CEP250: variants seen among roughly 807,000 people sequenced by gnomAD.
CEP250 encodes the protein centrosomal protein 250.
A neutral mutation model predicts 315.7 loss-of-function variants in CEP250; 242 were observed. The observed-to-expected ratio is 0.77, with a 90% confidence interval of 0.69 to 0.85. The LOEUF is 0.85. Ranked by LOEUF, CEP250 falls within the 40% of genes least tolerant of loss-of-function variation. The pLI is 0.00. For synonymous variants in CEP250, 1,088 were observed against 1,175.0 expected (o/e 0.93, Z 1.51); for missense variants, 2,515 against 2,886.4 (o/e 0.87, Z 2.95).
chr20:35,509,239 G>A (rs1196836288), intron 33 of CEP250, among the ~76,000 whole-genome samples, 195 bp downstream of exon 33: 1 of 152,184 alleles, frequency 6.6e-6, no homozygotes, highest in Non-Finnish European at 1.5e-5. Context: ...TGGGGTGGGG[G>A]TTGGGGTGGC....
chr20:35,485,513 A>G (rs2063484166), intron 20 of CEP250, among the ~76,000 whole-genome samples: 1 of 151,886 alleles, frequency 6.6e-6, no homozygotes, highest in Non-Finnish European at 1.5e-5. Flanking sequence ...GTTTAGAGAT[A>G]AGGTCTTGCT....
At chr20:35,507,054 A>C (rs547539774) in intron 30 of CEP250, among the ~76,000 whole-genome samples, 1 of 152,192 alleles carries the variant, frequency 6.6e-6, no homozygotes, top group East Asian at 1.9e-4. Flanking sequence ...CAAACTCATA[A>C]ATGGCAGGAC....
chr20:35,487,359 A>G (rs1479321070), intron 20 of CEP250, among the ~76,000 whole-genome samples: 2 of 152,112 alleles, frequency 1.3e-5, no homozygotes, highest in East Asian at 3.9e-4. Context: ...AATCCCAGCT[A>G]CTTGGGAGGT....
In CEP250 at chr20:35,479,480, G is replaced by A. The variant is rs142680086; in HGVS notation, c.2288+56G>A. 2.5e-5 allele frequency: 39 copies of A among 1,566,426 alleles called. 1 individual carries two copies. The highest frequency in any genetic ancestry group is 2.5e-4 in the East Asian group (11 of 44,526). On this transcript the variant is annotated intron_variant, in intron 18 of 34. Coordinates refer to ENST00000397527, the MANE Select transcript of CEP250 (RefSeq NM_007186.6). ...AGAGAGAGCTTTGCAAGGCAAAGGCGTGAAGCTAAGCTCCCTGCCATAAGT... is the reference window on the plus strand; with the variant it reads ...AGAGAGAGCTTTGCAAGGCAAAGGCATGAAGCTAAGCTCCCTGCCATAAGT...
chr20:35,470,614 G>A (rs766043278), intron 10 of CEP250, among the ~76,000 whole-genome samples: 10 of 152,288 alleles, frequency 6.6e-5, no homozygotes, highest in East Asian at 1.9e-4. Flanking sequence ...TTAGCCGGTC[G>A]TGGTGGCACA....
intron 1 of CEP250, among the ~76,000 whole-genome samples, chr20:35,456,921 A>G (rs1328810033): frequency 2.0e-5 from 3 of 151,684 alleles, no homozygotes; most frequent in Non-Finnish European, 4.4e-5. Context: ...AGCTGGGATT[A>G]CAGGCGCCCG....
intron 7 of CEP250, among the ~76,000 whole-genome samples, chr20:35,466,555 C>T (rs2062882538): frequency 6.6e-6 from 1 of 152,076 alleles, no homozygotes; most frequent in Non-Finnish European, 1.5e-5. Context: ...AGATATGAAA[C>T]TGAATGGGAA....
At position 35,498,056 on chromosome 20, in the gene CEP250, G is replaced by A; in HGVS notation, c.3644G>A (p.Gly1215Asp). 1 of 1,572,676 alleles carries A rather than the reference G, an allele frequency of 6.4e-7. No homozygotes were observed. The highest frequency in any genetic ancestry group is 8.6e-7 in the Non-Finnish European group (1 of 1,156,194). ...GGGDSAPSVW[G>D]LEPDQNGARS... ...GGAGACTCTGCTCCTTCCGTCTGGG[G>A]CCTTGAGCCAGGTGAGACAGCCTCC... The change falls in exon 26 of 35, where the codon GGC (glycine) becomes GAC (aspartate). Residue 1215 changes from glycine (G) to aspartate (D), a missense_variant. Gly to Asp is a moderately conservative substitution (Grantham distance 94). Coordinates refer to ENST00000397527, the MANE Select transcript of CEP250 (RefSeq NM_007186.6).
chr20:35,462,231 T>C, intron 3 of CEP250, 34 bp from the exon 4 acceptor site: 1 of 645,182 alleles, frequency 1.5e-6, no homozygotes, highest in Admixed American at 2.9e-5. Context: ...AAAAGAACAG[T>C]CCTTTCCATT....
intron 5 of CEP250, among the ~76,000 whole-genome samples, chr20:35,465,017 G>A (rs1366959947): frequency 6.6e-6 from 1 of 152,244 alleles, no homozygotes; most frequent in Non-Finnish European, 1.5e-5. Context: ...TCCAGCATAA[G>A]TCAAGGAGCA....
In CEP250 at chr20:35,515,855, G is replaced by A. The variant is rs1184203969; in HGVS notation, c.*4229G>A. The A allele has an allele frequency of 6.6e-6, 1 of 152,288 alleles. No individual in the cohort carries two copies. Among genetic ancestry groups the A allele is most frequent in the African/African-American group, 2.4e-5 (1 of 41,460 alleles). The allele number at this position is 152,288 out of a possible 1,614,324, so 9.4% of individuals were successfully genotyped here. A position where few individuals can be genotyped will look rare whatever the true frequency, so the allele number is the denominator to read the frequency against. ...CACCACACTTAAGAAGCAGGCAAGGGAGGATGAAGGGCAAAAACATGGGGT... is the reference window on the plus strand; with the variant it reads ...CACCACACTTAAGAAGCAGGCAAGGAAGGATGAAGGGCAAAAACATGGGGT... On this transcript the variant is annotated 3_prime_UTR_variant, in exon 35 of 35. Transcript: ENST00000397527.
chr20:35,499,696 A>G (rs1250043169), intron 27 of CEP250, among the ~76,000 whole-genome samples: 1 of 152,152 alleles, frequency 6.6e-6, no homozygotes, highest in Non-Finnish European at 1.5e-5. Flanking sequence ...ATTCATCCTG[A>G]TTTGGGAAGG....
intron 5 of CEP250, among the ~76,000 whole-genome samples, chr20:35,465,191 G>A (rs1392585268): frequency 3.3e-5 from 5 of 152,118 alleles, no homozygotes. Context: ...AGGCTGAGGT[G>A]GGTGGATCAC....
At position 35,504,614 on chromosome 20, in the gene CEP250, AAG is replaced by A. The variant is rs760583966; in HGVS notation, c.6253_6254del (p.Glu2085ArgfsTer57). The A allele has an allele frequency of 7.4e-6, 12 of 1,614,194 alleles. No individual in the cohort carries two copies. The highest frequency in any genetic ancestry group is 2.7e-5 in the African/African-American group (2 of 75,054). On this transcript the variant is annotated frameshift_variant, in exon 30 of 35. Coordinates refer to ENST00000397527, the MANE Select transcript of CEP250 (RefSeq NM_007186.6). LOFTEE classifies it high-confidence loss of function. The stretch of plus-strand genomic sequence containing the variant: ...ATCCAAGAGAAGCAGAATCTGGGGC[AAG>A]AGAGAGAAGAGGAGGAGATAAGGGG...
At chr20:35,493,277 T>A (rs1266077907) in intron 22 of CEP250, 152 bp from the exon 23 acceptor site, 1 of 681,602 alleles carries the variant, frequency 1.5e-6, no homozygotes, top group Non-Finnish European at 2.4e-6. Context: ...CAGTGCACTT[T>A]GTGAGGGAGG....
rs543805187 is a variant in CEP250, at chr20:35,496,339, T to TA, written c.3168-228dup. Among the ~76,000 whole-genome samples the TA allele has an allele frequency of 4.2e-3, 605 of 144,572 alleles. 1 individual carries two copies. The highest frequency in any genetic ancestry group is 6.2e-3 in the Non-Finnish European group (405 of 65,358). 94.8% of individuals were successfully genotyped at this position (144,572 alleles called of 152,430 possible). Reference sequence around the variant, plus strand: ...GTAACAGAGCAAGACTCTGTCTCAATAAAAAAAAAACACAAAAAAACCTGT... The same window carrying TA: ...GTAACAGAGCAAGACTCTGTCTCAATAAAAAAAAAAACACAAAAAAACCTGT... On this transcript the variant is annotated intron_variant, in intron 24 of 34. Coordinates refer to ENST00000397527, the MANE Select transcript of CEP250 (RefSeq NM_007186.6).
At chr20:35,496,833 G>A in intron 25 of CEP250, 118 bp downstream of exon 25, 8 of 1,161,472 alleles carry the variant, frequency 6.9e-6, no homozygotes, top group Non-Finnish European at 8.2e-6. Context: ...CCTGATTACA[G>A]GATAGGCTGG....
At chr20:35,485,437 C>T (rs1319372452) in intron 20 of CEP250, among the ~76,000 whole-genome samples, 2 of 151,514 alleles carry the variant, frequency 1.3e-5, no homozygotes, top group African/African-American at 4.9e-5. Flanking sequence ...AGGTGGTGAG[C>T]CAGATTTGGT....
intron 20 of CEP250, among the ~76,000 whole-genome samples, chr20:35,488,605 A>G (rs1338799293): frequency 2.0e-5 from 3 of 152,154 alleles, no homozygotes; most frequent in Admixed American, 6.5e-5. Flanking sequence ...CTGGGACCAC[A>G]GGAGTGAACC....
Sources: allele counts gnomAD v4.1 joint callset (sites outside exome capture counted in the v4.1 genomes callset), GRCh38; gene constraint gnomAD v4.1.1; transcripts MANE v1.5; gene names NCBI Gene and HGNC (gene_info 2026-07-23, HGNC 2026-07-21).